Variants in METTL6 observed in about 807,000 individuals in gnomAD.
METTL6 encodes the protein methyltransferase 6, tRNA N3-cytidine.
METTL6 carries 22 observed loss-of-function variants against 26.4 expected under a neutral mutation model. The observed-to-expected ratio is 0.83, with a 90% CI of 0.59 to 1.19. The LOEUF is 1.19. METTL6 is among the 50% of genes most tolerant of loss of function. The pLI, the probability that METTL6 is intolerant of heterozygous loss-of-function variation, is 0.00. For synonymous variants in METTL6, 109 were observed against 116.2 expected, an observed-to-expected ratio of 0.94 and a Z score of 0.40; for missense variants, 304 against 324.8, an observed-to-expected ratio of 0.94 and a Z score of 0.49.
chr3:15,413,225 ACT>A (rs1428955526), intron 5 of METTL6, among the ~76,000 whole-genome samples: 2 of 152,030 alleles, frequency 1.3e-5, no homozygotes, highest in African/African-American at 4.8e-5. Flanking sequence ...AGCCTGTAAG[ACT>A]CTGTCTCAAA....
downstream of METTL6, among the ~76,000 whole-genome samples, chr3:15,404,839 CCT>C: frequency 6.6e-6 from 1 of 152,018 alleles, no homozygotes; most frequent in Non-Finnish European, 1.5e-5. Flanking sequence ...GCTACTGTGC[CCT>C]ACTAATTTTC....
chr3:15,400,022 C>G (rs925673705), intron 6 of METTL6, among the ~76,000 whole-genome samples: 16 of 152,108 alleles, frequency 1.1e-4, no homozygotes, highest in Non-Finnish European at 2.2e-4. Context: ...CTGAGCCCCC[C>G]TTATCTGCCT....
intron 3 of METTL6, among the ~76,000 whole-genome samples, chr3:15,419,801 ATT>A (rs1346881232): frequency 6.6e-6 from 1 of 151,876 alleles, no homozygotes; most frequent in Non-Finnish European, 1.5e-5. Context: ...CATTAACCCT[ATT>A]TGTAAGAGCA....
At chr3:15,384,371 AATAAAG>A (rs1324592940) in intron 6 of METTL6, 18 of 182,512 alleles carry the variant, frequency 9.9e-5, no homozygotes, top group East Asian at 1.8e-4. Flanking sequence ...AAAAGCTCCT[AATAAAG>A]ATAGAGACCA....
intron 5 of METTL6, 24 bp from the exon 6 acceptor site, chr3:15,411,461 C>CTCAACAGTCT: frequency 6.2e-7 from 1 of 1,607,090 alleles, no homozygotes. Context: ...ATCAACAATG[C>CTCAACAGTCT]TCAACAGTCT....
chr3:15,423,202 C>T (rs1206939976), intron 3 of METTL6, among the ~76,000 whole-genome samples: 1 of 152,038 alleles, frequency 6.6e-6, no homozygotes, highest in South Asian at 2.1e-4. Context: ...TTGAGACCAG[C>T]GTGGCTAACA....
intron 6 of METTL6, among the ~76,000 whole-genome samples, chr3:15,397,961 C>T (rs925385607): frequency 6.6e-6 from 1 of 152,150 alleles, no homozygotes; most frequent in African/African-American, 2.4e-5. Flanking sequence ...GCTCCTGTGG[C>T]CTCACCCAGG....
chr3:15,402,274 T>G (rs1268032943), intron 6 of METTL6, among the ~76,000 whole-genome samples: 1 of 151,466 alleles, frequency 6.6e-6, no homozygotes, highest in Non-Finnish European at 1.5e-5. Flanking sequence ...CAGACTAGGG[T>G]TTTTCAAGGA....
intron 6 of METTL6, among the ~76,000 whole-genome samples, chr3:15,399,987 C>T (rs997148425): frequency 6.6e-6 from 1 of 152,114 alleles, no homozygotes; most frequent in Non-Finnish European, 1.5e-5. Flanking sequence ...CATTAGCAAA[C>T]AGCAGATGCA....
chr3:15,411,417 TAA>T lies in METTL6; in HGVS notation c.692_693del (p.Phe231TyrfsTer6). The T allele has an allele frequency of 6.2e-7, 1 of 1,613,906 alleles. No individual in the cohort carries two copies. Among genetic ancestry groups the T allele is most frequent in the Non-Finnish European group, 8.5e-7 (1 of 1,179,938 alleles). ...ACCACTTCTTCATAACCTGTGTCCA[TAA>T]AGAGCTGAGCCAGGAAGTCTGTAAG... ...FFTDDFLAQLFMDTGYEEVVN... is the reference protein window; with the variant it reads ...FFTDDFLAQLXMDTGYEEVVN... On this transcript the variant is annotated frameshift_variant, in exon 6 of 6. Transcript: ENST00000383790. LOFTEE classifies it high-confidence loss of function.
At chr3:15,393,192 TC>T (rs1270077355) in intron 6 of METTL6, among the ~76,000 whole-genome samples, 1 of 152,214 alleles carries the variant, frequency 6.6e-6, no homozygotes, top group African/African-American at 2.4e-5. Flanking sequence ...GTTGTAGTTC[TC>T]CTTGAAGAGG....
chr3:15,386,299 C>T (rs1699189865), intron 6 of METTL6, among the ~76,000 whole-genome samples: 1 of 152,134 alleles, frequency 6.6e-6, no homozygotes, highest in African/African-American at 2.4e-5. Context: ...AGCAAAGCCA[C>T]ATGGGGCTGC....
chr3:15,420,151 C>T (rs938725065), intron 3 of METTL6, among the ~76,000 whole-genome samples: 9 of 152,232 alleles, frequency 5.9e-5, no homozygotes, highest in African/African-American at 2.2e-4. Flanking sequence ...TGAGCCACTG[C>T]ACCAGCCAGG....
chr3:15,419,795 A>G (rs1294118154), intron 3 of METTL6, among the ~76,000 whole-genome samples: 2 of 152,186 alleles, frequency 1.3e-5, no homozygotes, highest in African/African-American at 2.4e-5. Flanking sequence ...TGATCACATT[A>G]ACCCTATTTG....
At chr3:15,402,610 T>G (rs542406312) in intron 6 of METTL6, among the ~76,000 whole-genome samples, 1 of 151,816 alleles carries the variant, frequency 6.6e-6, no homozygotes, top group South Asian at 2.1e-4. Context: ...GGCACACACC[T>G]GTAATCCCAG....
chr3:15,381,717 G>T (rs1207519325), exon 7 of METTL6: 4 of 152,178 alleles, frequency 2.6e-5, no homozygotes, highest in Non-Finnish European at 4.4e-5. Context: ...GCAAAATGGA[G>T]TTAGTCACGC....
chr3:15,421,875 G>A (rs1273423785), intron 3 of METTL6, among the ~76,000 whole-genome samples: 1 of 152,194 alleles, frequency 6.6e-6, no homozygotes, highest in African/African-American at 2.4e-5. Context: ...TCGTGCCACT[G>A]CACTCCAGCC....
At chr3:15,406,723 T>G (rs1449385484), downstream of METTL6, among the ~76,000 whole-genome samples, 1 of 148,910 alleles carries the variant, frequency 6.7e-6, no homozygotes, top group Non-Finnish European at 1.5e-5. Context: ...CTTGGCTCAC[T>G]GCAACCGCCA....
chr3:15,395,075 G>A (rs1699451489), intron 6 of METTL6, among the ~76,000 whole-genome samples: 2 of 152,156 alleles, frequency 1.3e-5, no homozygotes, highest in African/African-American at 2.4e-5. Flanking sequence ...CTGTCTCGTT[G>A]ATCTGTCTAA....
Sources: allele counts gnomAD v4.1 joint callset (sites outside exome capture counted in the v4.1 genomes callset), GRCh38; gene constraint gnomAD v4.1.1; transcripts MANE v1.5; gene names NCBI Gene and HGNC (gene_info 2026-07-23, HGNC 2026-07-21).